The following TYW2 variants were observed in gnomAD, a reference collection of about 807,000 sequenced individuals.
The protein encoded by TYW2 is tRNA wybutosine-synthesizing protein 2, also known as tRNA wybutosine-synthesizing protein 2 homolog.
At chr8:124,452,618 C>T in the TYW2 span, 4 of 260,448 alleles carry the variant, frequency 1.5e-5, no homozygotes, top group Non-Finnish European at 2.4e-5. Flanking sequence ...AACTGTCTCA[C>T]GTGACTATTA....
chr8:124,451,546 C>A, the TYW2 span: 2 of 1,614,126 alleles, frequency 1.2e-6, no homozygotes, highest in Admixed American at 1.7e-5. Context: ...TAATGGTATC[C>A]GTTATAAGTT....
At chr8:124,451,535 A>C in the TYW2 span, 6 of 1,614,068 alleles carry the variant, frequency 3.7e-6, no homozygotes, top group Non-Finnish European at 5.1e-6. Context: ...GAGCATGTGG[A>C]TAATGGTATC....
At chr8:124,450,952 A>G in the TYW2 span, 1 of 1,614,076 alleles carries the variant, frequency 6.2e-7, no homozygotes, top group Admixed American at 1.7e-5. Flanking sequence ...GGTTGTTAGC[A>G]ACATGGAGAG....
At chr8:124,451,324 T>C in the TYW2 span, 4 of 1,614,026 alleles carry the variant, frequency 2.5e-6, no homozygotes, top group South Asian at 1.1e-5. Context: ...TTTGCCCCGA[T>C]CATGGCAACG....
At chr8:124,451,007 C>T in the TYW2 span, 1 of 1,614,080 alleles carries the variant, frequency 6.2e-7, no homozygotes, top group Non-Finnish European at 8.5e-7. Flanking sequence ...GTGACTGAGC[C>T]TTGGTTTACC....
chr8:124,450,887 C>T, the TYW2 span: 10 of 1,571,682 alleles, frequency 6.4e-6, no homozygotes, highest in Non-Finnish European at 8.6e-6. Flanking sequence ...TTTAGTCAGC[C>T]TGGTGAGCCG....
At chr8:124,452,026 A>T in the TYW2 span, 44 of 1,614,214 alleles carry the variant, frequency 2.7e-5, no homozygotes, top group East Asian at 8.7e-4. Flanking sequence ...TCAGCAAATT[A>T]CCACCAACCA....
chr8:124,452,328 A>G, the TYW2 span: 4 of 1,569,656 alleles, frequency 2.5e-6, no homozygotes, highest in Middle Eastern at 2.0e-4. Context: ...CCTTAAATGT[A>G]TCAGTTCAGT....
chr8:124,451,468 C>T, the TYW2 span: 3 of 1,614,178 alleles, frequency 1.9e-6, no homozygotes, highest in Non-Finnish European at 2.5e-6. Flanking sequence ...GCGGGTATCA[C>T]CGGATGGTAC....
the TYW2 span, chr8:124,451,322 G>A: frequency 6.2e-7 from 1 of 1,614,194 alleles, no homozygotes; most frequent in African/African-American, 1.3e-5. Context: ...GATTTGCCCC[G>A]ATCATGGCAA....
chr8:124,451,012 T>A, the TYW2 span: 2 of 1,614,060 alleles, frequency 1.2e-6, no homozygotes, highest in East Asian at 4.5e-5. Flanking sequence ...TGAGCCTTGG[T>A]TTACCCAGCG....
the TYW2 span, chr8:124,451,653 T>G: frequency 1.9e-6 from 3 of 1,614,224 alleles, no homozygotes; most frequent in Non-Finnish European, 2.5e-6. Context: ...TGGATCTCTA[T>G]GCAGGGATTG....
the TYW2 span, chr8:124,452,174 A>G: frequency 1.2e-6 from 2 of 1,614,222 alleles, no homozygotes; most frequent in Non-Finnish European, 1.7e-6. Context: ...AAACCATGGA[A>G]GACACAAATT....
At chr8:124,451,636 G>A in the TYW2 span, 1 of 1,614,238 alleles carries the variant, frequency 6.2e-7, no homozygotes, top group Non-Finnish European at 8.5e-7. Flanking sequence ...TGCTGGAGAA[G>A]TGCTGGTGGA....
At chr8:124,450,880 AG>A in the TYW2 span, 3 of 1,558,456 alleles carry the variant, frequency 1.9e-6, no homozygotes, top group Non-Finnish European at 2.6e-6. Flanking sequence ...CCGGGAATTT[AG>A]TCAGCCTGGT....
the TYW2 span, chr8:124,452,045 A>C: frequency 6.2e-7 from 1 of 1,614,240 alleles, no homozygotes; most frequent in Non-Finnish European, 8.5e-7. Context: ...CAATGGAAAA[A>C]TGGAGCTACC....
chr8:124,451,166 C>T, the TYW2 span: 2 of 1,614,048 alleles, frequency 1.2e-6, no homozygotes, highest in Non-Finnish European at 1.7e-6. Flanking sequence ...CGTGTTGCCC[C>T]AGGCAGTCCC....
the TYW2 span, chr8:124,450,849 T>C: frequency 7.3e-3 from 11,091 of 1,509,698 alleles, 632 homozygotes; most frequent in African/African-American, 0.13. Flanking sequence ...CCGGGTGAGC[T>C]GCAGGCTACC....
At chr8:124,452,312 AG>A in the TYW2 span, 8 of 1,593,464 alleles carry the variant, frequency 5.0e-6, no homozygotes, top group Non-Finnish European at 5.1e-6. Context: ...TCCACGTGCG[AG>A]TGGCCCTTAA....
Sources: gnomAD v4.1 joint callset for allele counts on GRCh38, gnomAD v4.1.1 for gene constraint, MANE v1.5 for transcripts, NCBI Gene and HGNC (gene_info 2026-07-23, HGNC 2026-07-21) for gene names.